KCNH8: variants seen among roughly 807,000 people sequenced by gnomAD.
The protein encoded by KCNH8 is voltage-gated delayed rectifier potassium channel KCNH8.
A neutral mutation model predicts 103.6 loss-of-function variants in KCNH8; 70 were observed. The ratio of observed to expected loss-of-function variants is 0.68; its 90% confidence interval spans 0.56 to 0.82. KCNH8 has a LOEUF of 0.82. Ranked by LOEUF, KCNH8 falls within the 40% of genes least tolerant of loss-of-function variation. KCNH8 has a pLI of 0.00. For missense variants in KCNH8, 1,217 were observed against 1,329.9 expected, an observed-to-expected ratio of 0.92 and a Z score of 1.32; for synonymous variants, 498 against 489.4, an observed-to-expected ratio of 1.02 and a Z score of -0.23.
intron 1 of KCNH8, among the ~76,000 whole-genome samples, chr3:19,151,502 A>G (rs1183493774): frequency 2.0e-5 from 3 of 152,148 alleles, no homozygotes; most frequent in Non-Finnish European, 4.4e-5. Context: ...CTGCCTTGCT[A>G]ATGTACCCAA....
At chr3:19,177,783 A>T (rs2063414621) in intron 1 of KCNH8, among the ~76,000 whole-genome samples, 1 of 152,070 alleles carries the variant, frequency 6.6e-6, no homozygotes, top group African/African-American at 2.4e-5. Flanking sequence ...ATATACATGA[A>T]ATTGACTTAA....
At chr3:19,448,914 C>G in intron 8 of KCNH8, 1 of 1,195,490 alleles carries the variant, frequency 8.4e-7, no homozygotes, top group Non-Finnish European at 1.1e-6. Flanking sequence ...GCTTGACCCT[C>G]ATCTTTCTCT....
intron 7 of KCNH8, among the ~76,000 whole-genome samples, chr3:19,413,596 G>T (rs1275890569): frequency 6.6e-6 from 1 of 152,066 alleles, no homozygotes; most frequent in Non-Finnish European, 1.5e-5. Context: ...TACATGGCTA[G>T]AAGACCTTGT....
At chr3:19,329,530 TTTA>T (rs1392953353) in intron 3 of KCNH8, among the ~76,000 whole-genome samples, 1 of 152,158 alleles carries the variant, frequency 6.6e-6, no homozygotes, top group Non-Finnish European at 1.5e-5. Context: ...TTCCTTTCAT[TTTA>T]TTCTCTTCTA....
At chr3:19,467,218 T>C (rs886767184) in intron 11 of KCNH8, among the ~76,000 whole-genome samples, 1 of 151,840 alleles carries the variant, frequency 6.6e-6, no homozygotes, top group African/African-American at 2.4e-5. Context: ...TCCATAAAAT[T>C]CCAATTAAAA....
chr3:19,196,067 C>A (rs2063598807), intron 1 of KCNH8, among the ~76,000 whole-genome samples: 1 of 151,928 alleles, frequency 6.6e-6, no homozygotes, highest in Non-Finnish European at 1.5e-5. Flanking sequence ...AGAAAGTACT[C>A]TGTCTGAAAC....
intron 3 of KCNH8, among the ~76,000 whole-genome samples, chr3:19,320,763 C>A (rs979305760): frequency 6.6e-6 from 1 of 151,752 alleles, no homozygotes; most frequent in African/African-American, 2.4e-5. Flanking sequence ...GGTACCAATT[C>A]TTCTTTGAAT....
intron 4 of KCNH8, chr3:19,346,728 C>A (rs2065734773): frequency 2.2e-6 from 1 of 455,576 alleles, no homozygotes; most frequent in Non-Finnish European, 4.4e-6. Context: ...AACATTGTGA[C>A]CTACAAGTAA....
intron 7 of KCNH8, among the ~76,000 whole-genome samples, chr3:19,401,805 T>A (rs1355371194): frequency 6.6e-6 from 1 of 151,960 alleles, no homozygotes; most frequent in African/African-American, 2.4e-5. Flanking sequence ...TTGGGGCATT[T>A]AGATAGTAAG....
chr3:19,479,792 A>G (rs1327519354), intron 11 of KCNH8, among the ~76,000 whole-genome samples: 3 of 152,158 alleles, frequency 2.0e-5, no homozygotes, highest in African/African-American at 4.8e-5. Flanking sequence ...CGCTTCATTC[A>G]TATTCTCTTT....
intron 11 of KCNH8, among the ~76,000 whole-genome samples, chr3:19,469,673 A>G (rs965529154): frequency 6.6e-6 from 1 of 152,162 alleles, no homozygotes; most frequent in Non-Finnish European, 1.5e-5. Flanking sequence ...CAAACATAGT[A>G]TCTTGAAGGA....
At chr3:19,511,118 A>G (rs1158570757) in intron 12 of KCNH8, among the ~76,000 whole-genome samples, 2 of 151,990 alleles carry the variant, frequency 1.3e-5, no homozygotes, top group African/African-American at 4.8e-5. Flanking sequence ...TACATTAGGT[A>G]TTTCTCCTAA....
At chr3:19,202,654 G>A (rs1222283294) in intron 1 of KCNH8, among the ~76,000 whole-genome samples, 1 of 152,084 alleles carries the variant, frequency 6.6e-6, no homozygotes, top group Non-Finnish European at 1.5e-5. Flanking sequence ...AGGATGCACA[G>A]TCCTGTTCTA....
intron 6 of KCNH8, 49 bp from the exon 7 acceptor site, chr3:19,395,055 A>G (rs1465634237): frequency 3.0e-6 from 4 of 1,331,266 alleles, no homozygotes; most frequent in Non-Finnish European, 4.3e-6. Flanking sequence ...ATGTTGTGGT[A>G]TGAATTTAAC....
At chr3:19,516,855 A>C (rs961598676) in intron 14 of KCNH8, among the ~76,000 whole-genome samples, 3 of 152,046 alleles carry the variant, frequency 2.0e-5, no homozygotes, top group Middle Eastern at 3.2e-3. Flanking sequence ...TTTCCATGCA[A>C]AGGGAATTTT....
intron 1 of KCNH8, among the ~76,000 whole-genome samples, chr3:19,239,694 C>G (rs968633392): frequency 6.6e-6 from 1 of 151,148 alleles, no homozygotes; most frequent in Admixed American, 6.6e-5. Context: ...ACCTACCTAC[C>G]TATCTATCTA....
At chr3:19,292,583 G>A (rs745634474) in intron 3 of KCNH8, among the ~76,000 whole-genome samples, 3 of 152,138 alleles carry the variant, frequency 2.0e-5, no homozygotes, top group Non-Finnish European at 4.4e-5. Flanking sequence ...AACAGTAAAG[G>A]CTTATTTTCC....
chr3:19,269,961 A>G (rs552135260), intron 2 of KCNH8, among the ~76,000 whole-genome samples: 3 of 152,148 alleles, frequency 2.0e-5, no homozygotes, highest in Admixed American at 2.0e-4. Context: ...TCTCAAGGAA[A>G]ACTGTCTATA....
intron 1 of KCNH8, among the ~76,000 whole-genome samples, chr3:19,245,259 T>TA (rs2064190007): frequency 6.6e-6 from 1 of 152,122 alleles, no homozygotes; most frequent in South Asian, 2.1e-4. Flanking sequence ...TAAAATATCA[T>TA]ATGGTTGTAA....
Sources: allele counts gnomAD v4.1 joint callset (sites outside exome capture counted in the v4.1 genomes callset), GRCh38; gene constraint gnomAD v4.1.1; transcripts MANE v1.5; gene names NCBI Gene and HGNC (gene_info 2026-07-23, HGNC 2026-07-21).